Variants in ISM1 observed in about 807,000 individuals in gnomAD.
The protein encoded by ISM1 is isthmin 1.
ISM1 carries 25 observed loss-of-function variants against 46.3 expected under a neutral mutation model. The ratio of observed to expected loss-of-function variants is 0.54; its 90% CI spans 0.39 to 0.75. ISM1 has a LOEUF of 0.75. Among genes scored for constraint, ISM1 ranks in the 30% least tolerant of loss-of-function variants. ISM1 has a pLI of 0.00. For synonymous variants in ISM1, 255 were observed against 256.7 expected (o/e 0.99, Z 0.06); for missense variants, 536 against 625.4 (o/e 0.86, Z 1.52).
At chr20:13,291,711 C>G (rs781304528) in intron 4 of ISM1, among the ~76,000 whole-genome samples, 1 of 152,178 alleles carries the variant, frequency 6.6e-6, no homozygotes, top group Non-Finnish European at 1.5e-5. Flanking sequence ...TGAAGCATCA[C>G]CAACAATGCT....
chr20:13,236,702 A>G (rs1439855092), intron 1 of ISM1, among the ~76,000 whole-genome samples: 2 of 152,216 alleles, frequency 1.3e-5, no homozygotes, highest in African/African-American at 2.4e-5. Flanking sequence ...GTCATTCCAA[A>G]TGGGAGAAAC....
intron 5 of ISM1, among the ~76,000 whole-genome samples, chr20:13,297,471 A>C (rs192451495): frequency 1.4e-3 from 214 of 152,230 alleles, no homozygotes; most frequent in African/African-American, 4.8e-3. Context: ...TTTTCACTGG[A>C]ATCTTTTTGT....
intron 5 of ISM1, among the ~76,000 whole-genome samples, chr20:13,292,800 C>A (rs2040367327): frequency 6.6e-6 from 1 of 152,088 alleles, no homozygotes; most frequent in African/African-American, 2.4e-5. Flanking sequence ...CATTGAGCGT[C>A]CTCAAGAAAA....
downstream of ISM1, among the ~76,000 whole-genome samples, chr20:13,304,342 T>C (rs543022): frequency 0.45 from 67,986 of 151,884 alleles, 16,203 homozygotes; most frequent in Admixed American, 0.54. Context: ...CTGGGTGGAA[T>C]CAAAGTGGGC....
the ISM1 span, among the ~76,000 whole-genome samples, chr20:13,325,103 C>T: frequency 3.9e-5 from 6 of 152,204 alleles, no homozygotes; most frequent in African/African-American, 1.4e-4. Context: ...ATGCAAGGAA[C>T]AGAGAGCCAC....
intron 1 of ISM1, among the ~76,000 whole-genome samples, chr20:13,255,922 G>C (rs1349619792): frequency 1.6e-5 from 2 of 126,438 alleles, no homozygotes; most frequent in African/African-American, 3.2e-5. Flanking sequence ...TAAAGTTCCT[G>C]GGGTTTTTTT....
chr20:13,318,900 G>A, the ISM1 span, among the ~76,000 whole-genome samples: 415 of 152,278 alleles, frequency 2.7e-3, no homozygotes, highest in Middle Eastern at 0.017. Context: ...GCAGAGCACA[G>A]AACACTTTCA....
intron 1 of ISM1, among the ~76,000 whole-genome samples, chr20:13,231,572 G>C (rs1020153644): frequency 1.3e-5 from 2 of 152,204 alleles, no homozygotes; most frequent in African/African-American, 4.8e-5. Flanking sequence ...ACCAGCACGT[G>C]TCCCTGGAAA....
At chr20:13,278,400 T>C (rs994101963) in intron 2 of ISM1, among the ~76,000 whole-genome samples, 3 of 152,132 alleles carry the variant, frequency 2.0e-5, no homozygotes, top group African/African-American at 7.2e-5. Flanking sequence ...GAAAGCCTCG[T>C]CTTGAGGAGC....
At chr20:13,288,790 T>TA in intron 4 of ISM1, 107 bp downstream of exon 4, 2 of 1,178,432 alleles carry the variant, frequency 1.7e-6, no homozygotes, top group Non-Finnish European at 2.4e-6. Flanking sequence ...ACTTTTCTTT[T>TA]CTTTTTTTTT....
intron 1 of ISM1, among the ~76,000 whole-genome samples, chr20:13,266,618 A>G (rs1315076755): frequency 6.6e-6 from 1 of 152,234 alleles, no homozygotes; most frequent in African/African-American, 2.4e-5. Context: ...CATTGTGGGT[A>G]AAGCAATATT....
At chr20:13,275,963 C>G (rs2040174715) in intron 2 of ISM1, among the ~76,000 whole-genome samples, 2 of 152,336 alleles carry the variant, frequency 1.3e-5, no homozygotes, top group South Asian at 4.1e-4. Context: ...TGGCGTGCTG[C>G]AAGTCTCAAA....
At chr20:13,320,257 A>G in the ISM1 span, among the ~76,000 whole-genome samples, 4 of 152,200 alleles carry the variant, frequency 2.6e-5, no homozygotes, top group Non-Finnish European at 5.9e-5. Flanking sequence ...GTGTGAGTTG[A>G]GCAAAAATAC....
chr20:13,309,321 C>T, the ISM1 span, among the ~76,000 whole-genome samples: 1 of 149,824 alleles, frequency 6.7e-6, no homozygotes, highest in Non-Finnish European at 1.5e-5. Flanking sequence ...AAGGACAAAA[C>T]ATTTTATGCT....
At chr20:13,309,812 A>G in the ISM1 span, among the ~76,000 whole-genome samples, 1 of 151,922 alleles carries the variant, frequency 6.6e-6, no homozygotes, top group African/African-American at 2.4e-5. Context: ...AAACTATCCA[A>G]AAAAGAAATC....
chr20:13,318,577 A>C, the ISM1 span, among the ~76,000 whole-genome samples: 3 of 152,260 alleles, frequency 2.0e-5, no homozygotes, highest in Non-Finnish European at 4.4e-5. Flanking sequence ...CAAAACTTGG[A>C]ATCAGCCAAG....
At chr20:13,261,848 C>G (rs2039993031) in intron 1 of ISM1, among the ~76,000 whole-genome samples, 1 of 152,218 alleles carries the variant, frequency 6.6e-6, no homozygotes, top group South Asian at 2.1e-4. Context: ...CTTCTGAACT[C>G]TGCCATCCAT....
chr20:13,264,298 C>G (rs1163205869), intron 1 of ISM1, among the ~76,000 whole-genome samples: 1 of 152,196 alleles, frequency 6.6e-6, no homozygotes, highest in Non-Finnish European at 1.5e-5. Flanking sequence ...CTTTCCTAGA[C>G]AGCCACAATT....
At chr20:13,268,469 G>A (rs1438793256) in intron 1 of ISM1, among the ~76,000 whole-genome samples, 1 of 149,790 alleles carries the variant, frequency 6.7e-6, no homozygotes, top group African/African-American at 2.5e-5. Flanking sequence ...CAAAATGTCA[G>A]GGCAACTCCC....
Sources: allele counts gnomAD v4.1 joint callset (sites outside exome capture counted in the v4.1 genomes callset), GRCh38; gene constraint gnomAD v4.1.1; transcripts MANE v1.5; gene names NCBI Gene and HGNC (gene_info 2026-07-23, HGNC 2026-07-21).